DPF3: variants seen among roughly 807,000 people sequenced by gnomAD.
The protein encoded by DPF3 is double PHD fingers 3.
Under a neutral mutation model 56.8 loss-of-function variants are expected in DPF3, and 18 were observed. The observed-to-expected ratio is 0.32, with a 90% confidence interval of 0.22 to 0.47. The LOEUF is 0.47. DPF3 is among the 20% of genes least tolerant of loss of function. DPF3 has a pLI of 1.00. For missense variants in DPF3, 403 were observed against 488.8 expected (o/e 0.82, Z 1.65); for synonymous variants, 188 against 180.2 (o/e 1.04, Z -0.35).
chr14:72,684,853 G>T (rs1288397941), intron 7 of DPF3, among the ~76,000 whole-genome samples: 1 of 152,164 alleles, frequency 6.6e-6, no homozygotes, highest in Non-Finnish European at 1.5e-5. Context: ...AAGGCAATTA[G>T]GTTCAGTGGG....
intron 1 of DPF3, among the ~76,000 whole-genome samples, chr14:72,805,031 G>A (rs12896908): frequency 1.6e-5 from 1 of 62,960 alleles, no homozygotes; most frequent in Non-Finnish European, 3.3e-5. Flanking sequence ...TGTGTAAAAC[G>A]AGGGAGTCCC....
At chr14:72,708,893 G>C (rs1046557357) in intron 6 of DPF3, among the ~76,000 whole-genome samples, 1 of 152,224 alleles carries the variant, frequency 6.6e-6, no homozygotes, top group Non-Finnish European at 1.5e-5. Context: ...AGGCGCCACT[G>C]TGTGGGGAAG....
chr14:72,668,040 T>C (rs1336813515), intron 8 of DPF3, among the ~76,000 whole-genome samples: 1 of 152,128 alleles, frequency 6.6e-6, no homozygotes, highest in Non-Finnish European at 1.5e-5. Context: ...GGAGTAGTCA[T>C]GAGGATTAAG....
At chr14:72,835,030 T>C (rs1028830604) in intron 1 of DPF3, among the ~76,000 whole-genome samples, 1 of 152,232 alleles carries the variant, frequency 6.6e-6, no homozygotes. Context: ...AGATTAGTGG[T>C]TACCAGGGGT....
chr14:72,624,333 CTTTTTTTTTT>C (rs55820708), intron 9 of DPF3, among the ~76,000 whole-genome samples: 1 of 97,796 alleles, frequency 1.0e-5, no homozygotes, highest in Admixed American at 1.3e-4. Context: ...ACCTATGTCT[CTTTTTTTTTT>C]TTTTTTTTTT....
rs186280659 is a variant in DPF3, at chr14:72,696,940, G to A, written c.605-3727C>T. ...TGCACACTAAAGTTTGAGAACCACT[G>A]GGCTAGAAGGCTGGATCTATTTAGG... On this transcript the variant is annotated intron_variant, in intron 6 of 10. Coordinates refer to ENST00000556509, the MANE Select transcript of DPF3 (RefSeq NM_001280542.3). Among the ~76,000 whole-genome samples the A allele has an allele frequency of 2.1e-3, 316 of 152,284 alleles. 1 individual carries two copies. The highest frequency in any genetic ancestry group is 7.4e-3 in the African/African-American group (307 of 41,534).
Position 72,621,840 on chromosome 14 carries a change from G to A in DPF3, c.985-1856C>T, listed in dbSNP as rs117730356. 2.2e-3 allele frequency among the ~76,000 whole-genome samples: 331 copies of A among 152,340 alleles called. 1 individual carries two copies. The highest frequency in any genetic ancestry group is 0.014 in the East Asian group (73 of 5,188). On this transcript the variant is annotated intron_variant, in intron 9 of 10. Coordinates refer to ENST00000556509, the MANE Select transcript of DPF3 (RefSeq NM_001280542.3). ...AGCCAAGGATGCCGTCTGGGTTGTG[G>A]CTTGGTCAGCAAGCCAGATGATACA...
chr14:72,639,214 C>T (rs1022445286), intron 8 of DPF3, among the ~76,000 whole-genome samples: 1 of 152,156 alleles, frequency 6.6e-6, no homozygotes, highest in Non-Finnish European at 1.5e-5. Context: ...CTTAATTTGG[C>T]AAAATTCACT....
At chr14:72,881,066 G>T (rs906262821) in intron 1 of DPF3, among the ~76,000 whole-genome samples, 1 of 152,208 alleles carries the variant, frequency 6.6e-6, no homozygotes, top group Non-Finnish European at 1.5e-5. Context: ...TAAAGCAGCA[G>T]GAAGACTTGA....
At chr14:72,761,430 C>T (rs1173459628) in intron 2 of DPF3, among the ~76,000 whole-genome samples, 1 of 151,964 alleles carries the variant, frequency 6.6e-6, no homozygotes, top group Non-Finnish European at 1.5e-5. Flanking sequence ...TTGGAAACGT[C>T]CCAAGTGTTT....
chr14:72,670,558 G>A (rs1331823882), intron 8 of DPF3: 9 of 987,084 alleles, frequency 9.1e-6, no homozygotes, highest in Middle Eastern at 5.2e-4. Context: ...TAGTGCAACC[G>A]TCTCCCATTG....
At chr14:72,883,297 A>G (rs1056460354) in intron 1 of DPF3, among the ~76,000 whole-genome samples, 1 of 151,954 alleles carries the variant, frequency 6.6e-6, no homozygotes, top group Non-Finnish European at 1.5e-5. Context: ...CCCCATCTCT[A>G]TAAAAAAATT....
At chr14:72,673,308 A>G (rs1019785393) in intron 8 of DPF3, among the ~76,000 whole-genome samples, 4 of 152,186 alleles carry the variant, frequency 2.6e-5, no homozygotes, top group Non-Finnish European at 5.9e-5. Flanking sequence ...GAAAGGAGAA[A>G]TGACTCCTCA....
chr14:72,662,005 T>G (rs1886237151), intron 8 of DPF3: 1 of 985,132 alleles, frequency 1.0e-6, no homozygotes, highest in Non-Finnish European at 1.2e-6. Context: ...GCAGGCTGCT[T>G]CTGACATTCA....
intron 1 of DPF3, among the ~76,000 whole-genome samples, chr14:72,855,146 G>C (rs1264996925): frequency 1.3e-5 from 2 of 152,338 alleles, no homozygotes; most frequent in East Asian, 3.9e-4. Context: ...AGCTTCTGCA[G>C]CTCTGTCACT....
intron 5 of DPF3, 23 bp downstream of exon 5, chr14:72,723,610 C>T (rs989144475): frequency 6.5e-7 from 1 of 1,548,450 alleles, no homozygotes; most frequent in Non-Finnish European, 8.7e-7. Flanking sequence ...TCTCTTTCCT[C>T]GCTCATGTCA....
intron 1 of DPF3, among the ~76,000 whole-genome samples, chr14:72,864,117 C>T (rs960189716): frequency 7.3e-5 from 11 of 151,370 alleles, no homozygotes; most frequent in Non-Finnish European, 1.6e-4. Context: ...GAGAATTGAT[C>T]CCTCCCCTCC....
chr14:72,649,927 T>C (rs1310381198), intron 8 of DPF3, among the ~76,000 whole-genome samples: 1 of 152,120 alleles, frequency 6.6e-6, no homozygotes, highest in Admixed American at 6.5e-5. Context: ...ACTACACCGC[T>C]CGGCCACAGG....
chr14:72,892,500 C>T, intron 1 of DPF3: 1 of 1,417,564 alleles, frequency 7.1e-7, no homozygotes, highest in Non-Finnish European at 9.1e-7. Context: ...TGGGGCCTTC[C>T]TACCCCTTTC....
Sources: allele counts gnomAD v4.1 joint callset (sites outside exome capture counted in the v4.1 genomes callset), GRCh38; gene constraint gnomAD v4.1.1; transcripts MANE v1.5; gene names NCBI Gene and HGNC (gene_info 2026-07-23, HGNC 2026-07-21).